The following ACP7 variants were observed in gnomAD, a reference collection of about 807,000 sequenced individuals.
The protein encoded by ACP7 is acid phosphatase type 7.
Under a neutral mutation model 60.6 loss-of-function variants are expected in ACP7, and 58 were observed. That is an observed-to-expected ratio of 0.96 (90% confidence interval 0.77 to 1.19). The LOEUF is 1.19. ACP7 is among the 50% of genes most tolerant of loss of function. ACP7 has a pLI of 0.00. For synonymous variants in ACP7, 237 were observed against 232.6 expected (o/e 1.02, Z -0.17); for missense variants, 574 against 596.2 (o/e 0.96, Z 0.39).
chr19:39,100,637 G>C lies in ACP7; in HGVS notation c.687G>C (p.Trp229Cys). The change falls in exon 6 of 13, where the codon TGG becomes TGC. Residue 229 changes from tryptophan (W) to cysteine (C), a missense_variant. Trp to Cys is a radical substitution (Grantham distance 215). Transcript: ENST00000331256. ...TGCCGGGGGATAATGAGGGCCTGTG[G>C]TACAGGTAATGTGGGGGTGCTGGGG... is the stretch of plus-strand genomic sequence containing the variant. ...FSMPGDNEGLWYSWDLGPAHI... is the reference protein window; with the variant it reads ...FSMPGDNEGLCYSWDLGPAHI... The C allele has an allele frequency of 6.2e-7, 1 of 1,613,966 alleles. No homozygotes were observed. Among genetic ancestry groups the C allele is most frequent in the African/African-American group, 1.3e-5 (1 of 74,966 alleles).
At position 39,102,715 on chromosome 19, in the gene ACP7, TTTTC is replaced by T. The variant is rs199915190; in HGVS notation, c.1113+1228_1113+1231del. Among the ~76,000 whole-genome samples, 266 of 118,694 alleles carry T rather than the reference TTTTC, an allele frequency of 2.2e-3. 4 individuals carry two copies. The highest frequency in any genetic ancestry group is 8.1e-3 in the Middle Eastern group (2 of 246). The allele number at this position is 118,694 out of a possible 152,430, so 77.9% of individuals were successfully genotyped here. ...ATTACTAAGCTGTTCCAATGAAGAC[TTTTC>T]TTTCTTTCTTTCTTTCTTTCTTTCT... On this transcript the variant is annotated intron_variant, in intron 11 of 12. Transcript: ENST00000331256.
rs772558685 is a variant in ACP7, at chr19:39,100,990, T to A, written c.849T>A (p.Thr283=). ...GGGCAGCCCGGCCGTGGATCATCAC[T>A]ATGGGGCACCGGCCCATGTACTGCT... ...KNRAARPWII[T]MGHRPMYCSN... Residue 283 remains threonine (T), a synonymous_variant, in exon 8 of 13, where the codon ACT becomes ACA. Transcript: ENST00000331256. 6.3e-7 allele frequency: 1 copy of A among 1,590,834 alleles called. No individual in the cohort carries two copies. Among genetic ancestry groups the A allele is most frequent in the East Asian group, 2.3e-5 (1 of 43,320 alleles).
chr19:39,101,545 G>C lies in ACP7; in HGVS notation c.1113+8G>C, dbSNP rs1224890663. The C allele has an allele frequency of 3.7e-6, 6 of 1,613,080 alleles. No homozygotes were observed. The highest frequency in any genetic ancestry group is 5.1e-6 in the Non-Finnish European group (6 of 1,179,478). ...ATCATCACAGGATCTGCTGTGAGCAGGGGGAAGGGTGGCTTTGCCTTCTCT... is the reference window on the plus strand; with the variant it reads ...ATCATCACAGGATCTGCTGTGAGCACGGGGAAGGGTGGCTTTGCCTTCTCT... On this transcript the variant is annotated splice_region_variant and intron_variant, in intron 11 of 12. Transcript: ENST00000331256.
At chr19:39,091,308 G>A (rs1400818246) in intron 2 of ACP7, among the ~76,000 whole-genome samples, 17 of 151,674 alleles carry the variant, frequency 1.1e-4, no homozygotes, top group African/African-American at 3.4e-4. Context: ...GACTACAGGC[G>A]TGCACCACCA....
At chr19:39,096,437 C>T (rs2073266914) in intron 2 of ACP7, among the ~76,000 whole-genome samples, 1 of 152,162 alleles carries the variant, frequency 6.6e-6, no homozygotes, top group African/African-American at 2.4e-5. Context: ...CTCATCTCCA[C>T]CTGAGAGCAC....
chr19:39,091,056 C>T (rs1388688227), intron 2 of ACP7, among the ~76,000 whole-genome samples: 1 of 152,034 alleles, frequency 6.6e-6, no homozygotes, highest in African/African-American at 2.4e-5. Context: ...TTTGTGAGCA[C>T]TTCCTCACTT....
intron 2 of ACP7, among the ~76,000 whole-genome samples, chr19:39,096,707 G>C (rs977477530): frequency 2.0e-5 from 3 of 152,164 alleles, no homozygotes; most frequent in African/African-American, 7.2e-5. Flanking sequence ...CCCAAGACTG[G>C]GAAGAAAAAG....
intron 2 of ACP7, among the ~76,000 whole-genome samples, chr19:39,090,431 A>G (rs1427767563): frequency 6.6e-6 from 1 of 151,090 alleles, no homozygotes; most frequent in African/African-American, 2.4e-5. Flanking sequence ...ATCCTCCCAA[A>G]GTGCTAGGAT....
chr19:39,102,186 G>T (rs1031506794), intron 11 of ACP7, among the ~76,000 whole-genome samples: 1 of 150,594 alleles, frequency 6.6e-6, no homozygotes, highest in Admixed American at 6.7e-5. Flanking sequence ...AGGTGCAGTG[G>T]CTCATTCCTG....
intron 1 of ACP7, among the ~76,000 whole-genome samples, 179 bp downstream of exon 1, chr19:39,084,579 A>T (rs2073119670): frequency 6.6e-6 from 1 of 151,662 alleles, no homozygotes; most frequent in Non-Finnish European, 1.5e-5. Context: ...CGCTCTGGCC[A>T]TGATGGGCTC....
At chr19:39,100,464 A>G in intron 5 of ACP7, 114 bp downstream of exon 5, 4 of 1,600,810 alleles carry the variant, frequency 2.5e-6, no homozygotes, top group East Asian at 4.5e-5. Context: ...TGTGGTAGCA[A>G]GAGGAGATGG....
Position 39,085,304 on chromosome 19 carries a change from G to C in ACP7, c.35G>C (p.Cys12Ser), listed in dbSNP as rs1179510089. Residue 12 changes from cysteine (C) to serine (S), a missense_variant, in exon 2 of 13, where the codon TGT becomes TCT. Coordinates refer to ENST00000331256, the MANE Select transcript of ACP7 (RefSeq NM_001004318.3). ...HPLPGYWSCY[C>S]LLLLFSLGVQ... is the part of the protein sequence containing the mutation. ...CTTCCTGGCTACTGGTCCTGTTACT[G>C]TCTACTCCTGCTATTCTCCTTGGGA... The C allele has an allele frequency of 2.5e-6, 4 of 1,613,494 alleles. No individual in the cohort carries two copies. Among genetic ancestry groups the C allele is most frequent in the Non-Finnish European group, 3.4e-6 (4 of 1,179,792 alleles).
chr19:39,098,982 G>C lies in ACP7; in HGVS notation c.345G>C (p.Gln115His). 6.2e-7 allele frequency: 1 copy of C among 1,612,254 alleles called. No homozygotes were observed. The highest frequency in any genetic ancestry group is 8.5e-7 in the Non-Finnish European group (1 of 1,179,268). Residue 115 changes from glutamine to histidine, a missense_variant, in exon 4 of 13, where the codon CAG becomes CAC. Physicochemically the swap from Gln to His is conservative, Grantham distance 24. Transcript: ENST00000331256. Reference sequence around the variant, plus strand: ...CAGTTTATCGCTGTGGCAGTGCGCAGGGCTGGAGCCGTCGGTTCCGCTTCA... The same window carrying C: ...CAGTTTATCGCTGTGGCAGTGCGCACGGCTGGAGCCGTCGGTTCCGCTTCA... The part of the protein sequence containing the change: ...VQYVYRCGSA[Q>H]GWSRRFRFRA...
chr19:39,084,166 C>T (rs572235790), upstream of ACP7: 2 of 152,240 alleles, frequency 1.3e-5, no homozygotes, highest in African/African-American at 4.8e-5. Flanking sequence ...TCCCCCTTCC[C>T]GCGCCACGCC....
chr19:39,100,491 G>A, intron 5 of ACP7, 89 bp from the exon 6 acceptor site: 8 of 1,601,222 alleles, frequency 5.0e-6, no homozygotes, highest in Non-Finnish European at 6.8e-6. Flanking sequence ...GCTGGAAGCT[G>A]GACTCAGGGC....
chr19:39,100,803 G>A lies in ACP7; in HGVS notation c.757G>A (p.Gly253Ser), dbSNP rs1290636544. The change falls in exon 7 of 13, where the codon GGC becomes AGC. Residue 253 changes from glycine to serine, a missense_variant. By Grantham distance (56) the Gly-to-Ser change is moderately conservative. Transcript: ENST00000331256. Reference sequence around the variant, plus strand: ...CGAGGTCTATTTCTTTCTCCATTATGGCCGCCACTTGGTACAGAGGCAGTT... The same window carrying A: ...CGAGGTCTATTTCTTTCTCCATTATAGCCGCCACTTGGTACAGAGGCAGTT... ...STEVYFFLHY[G>S]RHLVQRQFRW... The A allele has an allele frequency of 1.2e-6, 2 of 1,613,932 alleles. No homozygotes were observed. The highest frequency in any genetic ancestry group is 4.5e-5 in the East Asian group (2 of 44,864).
intron 11 of ACP7, among the ~76,000 whole-genome samples, chr19:39,103,743 A>G (rs911308498): frequency 6.6e-6 from 1 of 151,988 alleles, no homozygotes; most frequent in Non-Finnish European, 1.5e-5. Context: ...TGGGAGGATC[A>G]TTTGAGCCCA....
intron 2 of ACP7, among the ~76,000 whole-genome samples, chr19:39,096,998 C>A (rs2073273195): frequency 6.6e-6 from 1 of 152,122 alleles, no homozygotes; most frequent in Non-Finnish European, 1.5e-5. Context: ...GATGGGGTTT[C>A]ACCATGTTGG....
At chr19:39,099,181 G>T (rs772405734) in intron 4 of ACP7, 39 bp downstream of exon 4, 1 of 1,479,098 alleles carries the variant, frequency 6.8e-7, no homozygotes, top group Non-Finnish European at 8.9e-7. Context: ...GACGGTGGGG[G>T]GCGCGCGCAG....
Sources: gnomAD v4.1 joint callset for allele counts (sites outside exome capture counted in the v4.1 genomes callset) on GRCh38, gnomAD v4.1.1 for gene constraint, MANE v1.5 for transcripts, NCBI Gene and HGNC (gene_info 2026-07-23, HGNC 2026-07-21) for gene names.